The following TBC1D8 variants were observed in gnomAD, a reference collection of about 807,000 sequenced individuals.
The protein encoded by TBC1D8 is TBC1 domain family member 8, also known as BUB2-like protein 1.
Under a neutral mutation model 118.8 loss-of-function variants are expected in TBC1D8, and 65 were observed. That is an observed-to-expected ratio of 0.55 (90% CI 0.45 to 0.67). The LOEUF is 0.67. Among genes scored for constraint, TBC1D8 ranks in the 30% least tolerant of loss-of-function variants. The pLI is 0.00. For synonymous variants in TBC1D8, 566 were observed against 595.8 expected (o/e 0.95, Z 0.73); for missense variants, 1,376 against 1,471.2 (o/e 0.94, Z 1.06).
intron 15 of TBC1D8, among the ~76,000 whole-genome samples, chr2:101,027,175 C>G (rs1680385405): frequency 1.3e-5 from 2 of 152,186 alleles, no homozygotes; most frequent in South Asian, 4.1e-4. Context: ...CCCCAGCTCC[C>G]TCCTCCCATG....
At chr2:101,098,582 G>A (rs1236477308) in intron 1 of TBC1D8, among the ~76,000 whole-genome samples, 3 of 152,094 alleles carry the variant, frequency 2.0e-5, no homozygotes, top group Non-Finnish European at 4.4e-5. Context: ...GTGCCACACG[G>A]CACTTATTCT....
Position 101,032,263 on chromosome 2 carries a change from T to A in TBC1D8, c.1936+5A>T. The A allele has an allele frequency of 6.2e-7, 1 of 1,612,678 alleles. No homozygotes were observed. The highest frequency in any genetic ancestry group is 1.1e-5 in the South Asian group (1 of 91,008). Reference sequence around the variant, plus strand: ...TACACAGGAGGAGGAAGGGGGTCTGTTTACCGATCACTCGGTGGTTGAAGT... The same window carrying A: ...TACACAGGAGGAGGAAGGGGGTCTGATTACCGATCACTCGGTGGTTGAAGT... On this transcript the variant is annotated splice_donor_5th_base_variant and intron_variant, in intron 11 of 19. Transcript: ENST00000409318.
chr2:101,081,820 C>T (rs994574581), intron 2 of TBC1D8, among the ~76,000 whole-genome samples: 2 of 152,172 alleles, frequency 1.3e-5, no homozygotes, highest in Admixed American at 6.5e-5. Context: ...GAACAATGCA[C>T]TCAATGCACA....
chr2:101,106,373 T>A (rs900939660), intron 1 of TBC1D8, among the ~76,000 whole-genome samples: 24 of 152,132 alleles, frequency 1.6e-4, no homozygotes, highest in Admixed American at 6.5e-5. Context: ...TAAAAATAAA[T>A]CCTTTAGGAG....
rs1682013493 is a variant in TBC1D8, at chr2:101,050,651, A to G, written c.632-10T>C. 1.9e-6 allele frequency: 3 copies of G among 1,611,464 alleles called. No homozygotes were observed. The highest frequency in any genetic ancestry group is 1.3e-5 in the African/African-American group (1 of 75,042). ...GGAACCACAAGTTTAACTGTAAGAGAAAAGGGTGAAATACCTATTATGCCA... is the reference window on the plus strand; with the variant it reads ...GGAACCACAAGTTTAACTGTAAGAGGAAAGGGTGAAATACCTATTATGCCA... On this transcript the variant is annotated splice_polypyrimidine_tract_variant and intron_variant, in intron 4 of 19. Coordinates refer to ENST00000409318, the MANE Select transcript of TBC1D8 (RefSeq NM_001330348.2).
At chr2:101,122,400 A>AT (rs1678165739) in intron 1 of TBC1D8, among the ~76,000 whole-genome samples, 2 of 128,482 alleles carry the variant, frequency 1.6e-5, no homozygotes, top group South Asian at 4.3e-4. Context: ...AAAAAAAAAA[A>AT]AAAAAAAAAA....
chr2:101,065,498 C>T (rs1446552856), intron 2 of TBC1D8, among the ~76,000 whole-genome samples: 3 of 152,160 alleles, frequency 2.0e-5, no homozygotes, highest in Admixed American at 2.0e-4. Context: ...GAACAAAAAG[C>T]CTTTGATTTT....
At chr2:101,143,194 C>T (rs1275122086) in intron 1 of TBC1D8, among the ~76,000 whole-genome samples, 18 of 151,708 alleles carry the variant, frequency 1.2e-4, no homozygotes, top group Non-Finnish European at 1.5e-5. Flanking sequence ...TCCCAAGTGG[C>T]TGGGATTACA....
chr2:101,008,689 G>A (rs922233926), intron 19 of TBC1D8, among the ~76,000 whole-genome samples: 2 of 152,112 alleles, frequency 1.3e-5, no homozygotes, highest in African/African-American at 4.8e-5. Context: ...ACCCATGCCT[G>A]CAATCCCAGC....
At chr2:101,099,421 T>A (rs1316897851) in intron 1 of TBC1D8, among the ~76,000 whole-genome samples, 1 of 152,212 alleles carries the variant, frequency 6.6e-6, no homozygotes, top group Non-Finnish European at 1.5e-5. Context: ...AGCTGAATTC[T>A]ATCAGAAATA....
chr2:101,109,460 C>T (rs1172984601), intron 1 of TBC1D8, among the ~76,000 whole-genome samples: 1 of 152,144 alleles, frequency 6.6e-6, no homozygotes, highest in Non-Finnish European at 1.5e-5. Context: ...AAAATATATA[C>T]ATATATACAC....
At chr2:101,100,671 G>A (rs1197736913) in intron 1 of TBC1D8, among the ~76,000 whole-genome samples, 3 of 152,042 alleles carry the variant, frequency 2.0e-5, no homozygotes, top group East Asian at 1.9e-4. Flanking sequence ...AAACAGCATG[G>A]TACTGGTACC....
intron 1 of TBC1D8, among the ~76,000 whole-genome samples, chr2:101,113,949 G>A (rs920247160): frequency 1.2e-4 from 18 of 152,192 alleles, no homozygotes; most frequent in Admixed American, 1.1e-3. Context: ...TTTCAAGACA[G>A]CAACTCTTGT....
intron 1 of TBC1D8, among the ~76,000 whole-genome samples, chr2:101,149,196 G>A (rs1679445896): frequency 6.6e-6 from 1 of 152,152 alleles, no homozygotes; most frequent in African/African-American, 2.4e-5. Flanking sequence ...TTCACAGTAA[G>A]TCCAAACCGA....
intron 2 of TBC1D8, among the ~76,000 whole-genome samples, chr2:101,088,506 T>C (rs940222195): frequency 1.3e-5 from 2 of 152,122 alleles, no homozygotes; most frequent in Non-Finnish European, 2.9e-5. Flanking sequence ...CAGGCTGGTC[T>C]TGAACTCCTG....
At chr2:101,046,681 T>TG (rs1280375448) in intron 5 of TBC1D8, among the ~76,000 whole-genome samples, 1 of 137,546 alleles carries the variant, frequency 7.3e-6, no homozygotes, top group Non-Finnish European at 1.6e-5. Flanking sequence ...AAAGGGAGAG[T>TG]GGGGGGAGGG....
chr2:101,100,459 T>C (rs1676755282), intron 1 of TBC1D8, among the ~76,000 whole-genome samples: 1 of 152,170 alleles, frequency 6.6e-6, no homozygotes, highest in Non-Finnish European at 1.5e-5. Flanking sequence ...ATAGATTCAA[T>C]GCTATTCCCA....
intron 10 of TBC1D8, 129 bp downstream of exon 10, chr2:101,033,415 G>A (rs1680791957): frequency 1.8e-6 from 2 of 1,099,438 alleles, no homozygotes; most frequent in Non-Finnish European, 2.7e-6. Context: ...TCCGGAAAGG[G>A]ACCGAGTACA....
intron 2 of TBC1D8, chr2:101,068,508 A>T (rs1683136880): frequency 2.4e-6 from 1 of 420,518 alleles, no homozygotes; most frequent in East Asian, 5.3e-5. Context: ...TTGTCTCTGG[A>T]AGATGGAACC....
Sources: allele counts gnomAD v4.1 joint callset (sites outside exome capture counted in the v4.1 genomes callset), GRCh38; gene constraint gnomAD v4.1.1; transcripts MANE v1.5; gene names NCBI Gene and HGNC (gene_info 2026-07-23, HGNC 2026-07-21).